Variants in ZFAND4 observed in about 807,000 individuals in gnomAD.
ZFAND4 encodes the protein AN1-type zinc finger protein 4.
A neutral mutation model predicts 64.4 loss-of-function variants in ZFAND4; 43 were observed. The observed-to-expected ratio is 0.67, with a 90% CI of 0.52 to 0.86. The LOEUF (loss-of-function observed/expected upper bound fraction) is 0.86, where lower values mean the gene tolerates loss of function less well. ZFAND4 is among the 40% of genes least tolerant of loss of function. ZFAND4 has a pLI of 0.00. For missense variants in ZFAND4, 929 were observed against 859.8 expected (o/e 1.08, Z -1.01); for synonymous variants, 296 against 305.7 (o/e 0.97, Z 0.33).
intron 4 of ZFAND4, 42 bp downstream of exon 4, chr10:45,651,924 G>T: frequency 6.5e-7 from 1 of 1,540,644 alleles, no homozygotes; most frequent in Non-Finnish European, 9.0e-7. Context: ...CTGACATAAA[G>T]AATGTTACTG....
intron 6 of ZFAND4, among the ~76,000 whole-genome samples, chr10:45,631,879 C>A (rs1344530831): frequency 2.0e-5 from 3 of 150,966 alleles, no homozygotes; most frequent in Non-Finnish European, 4.4e-5. Context: ...GAAGAAAAAC[C>A]TACAATTAAT....
intron 5 of ZFAND4, 45 bp downstream of exon 5, chr10:45,648,249 T>C (rs778236131): frequency 9.2e-6 from 14 of 1,522,314 alleles, no homozygotes; most frequent in South Asian, 6.7e-5. Flanking sequence ...TTAATATATA[T>C]AGATTATTTT....
intron 2 of ZFAND4, among the ~76,000 whole-genome samples, chr10:45,660,295 G>A (rs1194488486): frequency 6.6e-6 from 1 of 151,842 alleles, no homozygotes; most frequent in Admixed American, 6.6e-5. Context: ...AGTCCAGCCT[G>A]GCCAACATAG....
At chr10:45,619,213 G>GT (rs2045235676) in intron 8 of ZFAND4, among the ~76,000 whole-genome samples, 1 of 150,264 alleles carries the variant, frequency 6.7e-6, no homozygotes, top group East Asian at 1.9e-4. Flanking sequence ...TTTTTTTTTT[G>GT]TATTTTTAGT....
At chr10:45,622,386 T>G (rs1037573724) in intron 8 of ZFAND4, among the ~76,000 whole-genome samples, 2 of 152,178 alleles carry the variant, frequency 1.3e-5, no homozygotes, top group African/African-American at 2.4e-5. Flanking sequence ...ACTATAAAAC[T>G]TCTAGAAGAA....
intron 2 of ZFAND4, among the ~76,000 whole-genome samples, chr10:45,657,320 A>G (rs1400340113): frequency 1.3e-5 from 2 of 152,212 alleles, no homozygotes; most frequent in Admixed American, 6.5e-5. Context: ...TAAAAGATGC[A>G]TAACATCATC....
At chr10:45,645,263 C>T (rs2047300616) in intron 5 of ZFAND4, among the ~76,000 whole-genome samples, 1 of 152,112 alleles carries the variant, frequency 6.6e-6, no homozygotes, top group East Asian at 1.9e-4. Flanking sequence ...CCACCATGCC[C>T]TTTAAACATG....
intron 5 of ZFAND4, among the ~76,000 whole-genome samples, chr10:45,642,468 G>A (rs1262342935): frequency 6.6e-6 from 1 of 151,890 alleles, no homozygotes; most frequent in Admixed American, 6.6e-5. Context: ...TTCGCCGGGC[G>A]TGGTGGCGGG....
At chr10:45,651,637 A>C in intron 4 of ZFAND4, 1 of 482,798 alleles carries the variant, frequency 2.1e-6, no homozygotes, top group Non-Finnish European at 4.3e-6. Flanking sequence ...TGGTAGATTT[A>C]AAAATAAACA....
rs2048631832 is a variant in ZFAND4 at position 45,663,858 on chromosome 10, T to C, written c.-117-16A>G. On this transcript the variant is annotated splice_polypyrimidine_tract_variant and intron_variant, in intron 1 of 9. Transcript: ENST00000344646. ...AGTTTTGTACCTAAAAAAACAAGAA[T>C]TTTTTTAACAAGCCTATCTGAAAGT... is the stretch of plus-strand genomic sequence containing the variant. 1.5e-6 allele frequency: 1 copy of C among 686,136 alleles called. No homozygotes were observed. The highest frequency in any genetic ancestry group is 1.9e-5 in the African/African-American group (1 of 52,772). 42.5% of individuals were successfully genotyped at this position (686,136 alleles called of 1,614,324 possible). A position where few individuals can be genotyped will look rare whatever the true frequency, so the allele number is the denominator to read the frequency against.
chr10:45,626,343 ACTGT>A lies in ZFAND4; in HGVS notation c.1476_1479del (p.Arg492SerfsTer23). 3 of 1,614,222 alleles carry A rather than the reference ACTGT, an allele frequency of 1.9e-6. No individual in the cohort carries two copies. Among genetic ancestry groups the A allele is most frequent in the Non-Finnish European group, 2.5e-6 (3 of 1,180,044 alleles). ...AGCTTCCCAAACTCAAAACATTTGGACTGTCTCTCTGGTTTCACCAGAGAATTAT... is the reference window on the plus strand; with the variant it reads ...AGCTTCCCAAACTCAAAACATTTGGACTCTCTGGTTTCACCAGAGAATTAT... On this transcript the variant is annotated frameshift_variant, in exon 7 of 10. Transcript: ENST00000344646. LOFTEE classifies it high-confidence loss of function.
At chr10:45,642,564 C>T (rs1329834002) in intron 5 of ZFAND4, among the ~76,000 whole-genome samples, 1 of 146,886 alleles carries the variant, frequency 6.8e-6, no homozygotes, top group Non-Finnish European at 1.5e-5. Flanking sequence ...GCCGAGATCA[C>T]ACCAGTGCAC....
intron 5 of ZFAND4, among the ~76,000 whole-genome samples, chr10:45,646,324 A>G (rs550092343): frequency 6.6e-6 from 1 of 152,338 alleles, no homozygotes; most frequent in African/African-American, 2.4e-5. Context: ...ACACCTTTAC[A>G]GAAGAAGTTT....
chr10:45,666,086 C>T (rs1378871413), intron 1 of ZFAND4, among the ~76,000 whole-genome samples: 2 of 152,138 alleles, frequency 1.3e-5, no homozygotes, highest in African/African-American at 4.8e-5. Context: ...AGTAGCTTTG[C>T]TAGATAATGT....
At chr10:45,623,100 C>G (rs532138879) in intron 8 of ZFAND4, among the ~76,000 whole-genome samples, 2 of 152,028 alleles carry the variant, frequency 1.3e-5, no homozygotes, top group Admixed American at 6.6e-5. Flanking sequence ...TGGCTACTAG[C>G]AAAAACATAG....
chr10:45,656,914 T>C (rs1279416159), intron 2 of ZFAND4, among the ~76,000 whole-genome samples: 1 of 152,144 alleles, frequency 6.6e-6, no homozygotes, highest in African/African-American at 2.4e-5. Context: ...CCTAGACCTG[T>C]GGATTAGTAA....
intron 5 of ZFAND4, among the ~76,000 whole-genome samples, chr10:45,647,010 G>A (rs768594576): frequency 5.3e-5 from 8 of 152,186 alleles, no homozygotes; most frequent in Non-Finnish European, 1.2e-4. Flanking sequence ...CTGTGGAGGG[G>A]CAGAAGCCTA....
At chr10:45,617,294 A>G (rs1257437311) in intron 9 of ZFAND4, among the ~76,000 whole-genome samples, 2 of 152,148 alleles carry the variant, frequency 1.3e-5, no homozygotes, top group Non-Finnish European at 2.9e-5. Flanking sequence ...CTAGTAGCAA[A>G]ATAGGTTGTT....
Position 45,629,800 on chromosome 10 carries a change from T to G in ZFAND4, c.718-2695A>C, listed in dbSNP as rs916485249. On this transcript the variant is annotated intron_variant, in intron 6 of 9. Transcript: ENST00000344646. The stretch of plus-strand genomic sequence containing the variant: ...ATCGCTTGAGCTCAGGAGGCAGAGG[T>G]TGCAGTGAGTCAAGATCATGCCACT... Among the ~76,000 whole-genome samples the G allele has an allele frequency of 6.0e-4, 91 of 151,964 alleles. 1 individual carries two copies. Among genetic ancestry groups the G allele is most frequent in the African/African-American group, 2.2e-3 (89 of 41,346 alleles).
Sources: allele counts gnomAD v4.1 joint callset (sites outside exome capture counted in the v4.1 genomes callset), GRCh38; gene constraint gnomAD v4.1.1; transcripts MANE v1.5; gene names NCBI Gene and HGNC (gene_info 2026-07-23, HGNC 2026-07-21).